The following CDK14 variants were observed in gnomAD, a reference collection of about 807,000 sequenced individuals.
CDK14 encodes the protein cyclin-dependent kinase 14.
CDK14 carries 34 observed loss-of-function variants against 60.7 expected under a neutral mutation model. The ratio of observed to expected loss-of-function variants is 0.56; its 90% confidence interval spans 0.43 to 0.75. The LOEUF (loss-of-function observed/expected upper bound fraction) is 0.75, where lower values mean the gene tolerates loss of function less well. Among genes scored for constraint, CDK14 ranks in the 30% least tolerant of loss-of-function variants. CDK14 has a pLI of 0.00. For missense variants in CDK14, 482 were observed against 564.1 expected (o/e 0.85, Z 1.47); for synonymous variants, 197 against 203.7 (o/e 0.97, Z 0.28).
intron 9 of CDK14, among the ~76,000 whole-genome samples, chr7:90,957,012 C>T (rs1205427867): frequency 1.3e-5 from 2 of 150,426 alleles, no homozygotes; most frequent in African/African-American, 4.9e-5. Context: ...TCCAGTCTAT[C>T]ATTGTTGGAC....
chr7:90,858,048 A>G (rs1184687011), intron 5 of CDK14, among the ~76,000 whole-genome samples: 1 of 152,200 alleles, frequency 6.6e-6, no homozygotes, highest in Non-Finnish European at 1.5e-5. Context: ...TATTTAACTG[A>G]CAGTGTGTTT....
chr7:90,726,265 G>A lies in CDK14; in HGVS notation c.124-302G>A, dbSNP rs77297477. On this transcript the variant is annotated intron_variant, in intron 2 of 14. Coordinates refer to ENST00000380050, the MANE Select transcript of CDK14 (RefSeq NM_001287135.2). ...AGAAATAAACCACTTCCAGTCAGAT[G>A]GTAAAACGTGTGACAGAGTTCAAGA... is the stretch of plus-strand genomic sequence containing the variant. 2,872 of 977,244 alleles carry A rather than the reference G, an allele frequency of 2.9e-3. 72 individuals are homozygous for A. In the African/African-American group the frequency reaches 0.046, roughly 16 times the overall value. 60.5% of individuals were successfully genotyped at this position (977,244 alleles called of 1,614,324 possible). A position where few individuals can be genotyped will look rare whatever the true frequency, so the allele number is the denominator to read the frequency against.
intron 4 of CDK14, among the ~76,000 whole-genome samples, chr7:90,781,881 G>T (rs1584886731): frequency 6.6e-6 from 1 of 152,264 alleles, no homozygotes; most frequent in Admixed American, 6.5e-5. Flanking sequence ...TTTGTCTTAG[G>T]ATTGACTTGG....
intron 6 of CDK14, among the ~76,000 whole-genome samples, chr7:90,877,924 A>G (rs1372059837): frequency 6.6e-6 from 1 of 152,130 alleles, no homozygotes; most frequent in Admixed American, 6.5e-5. Context: ...CGACACCTGT[A>G]TAAGATGAAT....
intron 5 of CDK14, among the ~76,000 whole-genome samples, chr7:90,849,517 T>A (rs2117175168): frequency 1.3e-5 from 2 of 152,020 alleles, no homozygotes; most frequent in South Asian, 4.1e-4. Context: ...AACATTAATT[T>A]AGGGACCACA....
Position 90,921,835 on chromosome 7 carries a change from A to G in CDK14, c.826+4111A>G, listed in dbSNP as rs573057140. ...CAGAGGTCTAAAATTTTACCTTCCT[A>G]ATGTTGATAGTTTCTCTTCCAGGCT... On this transcript the variant is annotated intron_variant, in intron 8 of 14. Coordinates refer to ENST00000380050, the MANE Select transcript of CDK14 (RefSeq NM_001287135.2). 2.0e-5 allele frequency among the ~76,000 whole-genome samples: 3 copies of G among 152,298 alleles called. No individual in the cohort carries two copies. In the South Asian group the frequency reaches 6.2e-4, roughly 32 times the overall value.
intron 10 of CDK14, among the ~76,000 whole-genome samples, chr7:90,999,445 C>T (rs1486728344): frequency 6.6e-6 from 1 of 150,758 alleles, no homozygotes; most frequent in Non-Finnish European, 1.5e-5. Context: ...AAAAATTAGC[C>T]AGGCATGGTG....
chr7:90,980,375 T>C (rs17400985), intron 9 of CDK14, among the ~76,000 whole-genome samples: 11,150 of 152,230 alleles, frequency 0.073, 494 homozygotes, highest in Middle Eastern at 0.14. Flanking sequence ...CATTTCCTGA[T>C]ATAAGATTAT....
intron 14 of CDK14, among the ~76,000 whole-genome samples, chr7:91,130,296 A>G (rs1800077729): frequency 6.6e-6 from 1 of 152,138 alleles, no homozygotes; most frequent in South Asian, 2.1e-4. Context: ...TCTTTGGAAA[A>G]TGTAGTTATT....
chr7:90,711,882 A>ACGTTT (rs1408956904), intron 2 of CDK14, among the ~76,000 whole-genome samples: 2 of 110,866 alleles, frequency 1.8e-5, no homozygotes, highest in Non-Finnish European at 1.8e-5. Context: ...ATAGTCTACT[A>ACGTTT]TGTTTTTTTT....
At chr7:90,852,294 A>G (rs906776658) in intron 5 of CDK14, among the ~76,000 whole-genome samples, 1 of 152,226 alleles carries the variant, frequency 6.6e-6, no homozygotes, top group African/African-American at 2.4e-5. Context: ...GAAGGAGAAT[A>G]ATCTCAAGCT....
rs35971285 is a variant in CDK14 at position 90,778,846 on chromosome 7, ACCTTCCTTCCTTCCTT to A, written c.465-11689_465-11674del. 5.4e-3 allele frequency among the ~76,000 whole-genome samples: 694 copies of A among 127,972 alleles called. 4 individuals are homozygous for A. Among genetic ancestry groups the A allele is most frequent in the Middle Eastern group, 0.011 (3 of 278 alleles). The allele number at this position is 127,972 out of a possible 152,430, so 84.0% of individuals were successfully genotyped here. The stretch of plus-strand genomic sequence containing the variant: ...TCCTGTGGAATGTAAAAATTGACCG[ACCTTCCTTCCTTCCTT>A]CCTTCCTTCCTTCCTTCCTTCCTTC... On this transcript the variant is annotated intron_variant, in intron 4 of 14. Transcript: ENST00000380050.
intron 2 of CDK14, among the ~76,000 whole-genome samples, chr7:90,612,006 T>G (rs1204997724): frequency 6.6e-6 from 1 of 152,064 alleles, no homozygotes; most frequent in African/African-American, 2.4e-5. Context: ...CTAATTTTTG[T>G]ATTTTTAGTA....
At chr7:90,598,722 T>TTTTTTTTTTTTTTTTTTTTTTTA (rs58589657) in intron 1 of CDK14, among the ~76,000 whole-genome samples, 1 of 135,760 alleles carries the variant, frequency 7.4e-6, no homozygotes, top group African/African-American at 2.7e-5. Flanking sequence ...TTTTTTTTTT[T>TTTTTTTTTTTTTTTTTTTTTTTA]GAGACGGAGT....
At chr7:91,166,962 G>T (rs761674996) in intron 14 of CDK14, among the ~76,000 whole-genome samples, 10 of 152,152 alleles carry the variant, frequency 6.6e-5, no homozygotes, top group Non-Finnish European at 1.3e-4. Flanking sequence ...TTCTCACCTA[G>T]GCAGAATTTT....
At chr7:90,895,364 T>TCC in intron 6 of CDK14, among the ~76,000 whole-genome samples, 137 of 7,450 alleles carry the variant, frequency 0.018, 12 homozygotes, top group Non-Finnish European at 0.03. Context: ...TCCTCACCTC[T>TCC]CCTCCCCTCC....
At chr7:91,101,146 T>C (rs1799136986) in intron 12 of CDK14, among the ~76,000 whole-genome samples, 1 of 152,164 alleles carries the variant, frequency 6.6e-6, no homozygotes. Context: ...GAGAGAAATA[T>C]GGAAAAATGT....
intron 10 of CDK14, among the ~76,000 whole-genome samples, chr7:91,029,595 T>A (rs959662684): frequency 7.0e-6 from 1 of 142,990 alleles, no homozygotes; most frequent in Non-Finnish European, 1.5e-5. Flanking sequence ...TCTCCTCTCC[T>A]CTCCTCTCCT....
At chr7:90,922,280 G>A (rs182052076) in intron 8 of CDK14, among the ~76,000 whole-genome samples, 1 of 152,242 alleles carries the variant, frequency 6.6e-6, no homozygotes, top group East Asian at 1.9e-4. Flanking sequence ...ACCCAATGAA[G>A]CATCAATCTA....
Sources: gnomAD v4.1 joint callset for allele counts (sites outside exome capture counted in the v4.1 genomes callset) on GRCh38, gnomAD v4.1.1 for gene constraint, MANE v1.5 for transcripts, NCBI Gene and HGNC (gene_info 2026-07-23, HGNC 2026-07-21) for gene names.